Variants in KIAA0513 observed in about 807,000 individuals in gnomAD.
The protein encoded by KIAA0513 is KIAA0513, also known as uncharacterized protein KIAA0513.
A neutral mutation model predicts 56.5 loss-of-function variants in KIAA0513; 39 were observed. The ratio of observed to expected loss-of-function variants is 0.69; its 90% CI spans 0.53 to 0.90. The LOEUF (loss-of-function observed/expected upper bound fraction) is 0.90. KIAA0513 is among the 40% of genes least tolerant of loss of function. The pLI is 0.00. For synonymous variants in KIAA0513, 268 were observed against 215.6 expected (o/e 1.24, Z -2.13); for missense variants, 591 against 535.2 (o/e 1.10, Z -1.03).
intron 2 of KIAA0513, among the ~76,000 whole-genome samples, chr16:85,068,840 CATT>C (rs1207354762): frequency 6.6e-6 from 1 of 152,144 alleles, no homozygotes; most frequent in Non-Finnish European, 1.5e-5. Context: ...TGTCTCACCT[CATT>C]GTTGCTAAAC....
intron 8 of KIAA0513, 93 bp downstream of exon 8, chr16:85,079,096 A>G: frequency 6.3e-7 from 1 of 1,593,690 alleles, no homozygotes; most frequent in Non-Finnish European, 8.6e-7. Context: ...TGTCCCCATC[A>G]GAATGGCAGA....
intron 8 of KIAA0513, among the ~76,000 whole-genome samples, chr16:85,080,009 C>T (rs1402401990): frequency 1.3e-5 from 2 of 152,190 alleles, no homozygotes; most frequent in Non-Finnish European, 2.9e-5. Context: ...CCTCCCTCCC[C>T]TGAAGATCAC....
intron 1 of KIAA0513, among the ~76,000 whole-genome samples, chr16:85,052,537 A>G (rs530184359): frequency 5.3e-5 from 8 of 152,172 alleles, no homozygotes; most frequent in African/African-American, 9.7e-5. Context: ...CAATCAGTCA[A>G]TCAATCAATC....
At chr16:85,035,544 G>A (rs1597587668) in intron 1 of KIAA0513, among the ~76,000 whole-genome samples, 4 of 152,338 alleles carry the variant, frequency 2.6e-5, no homozygotes, top group South Asian at 2.1e-4. Flanking sequence ...AGGCTGGAGT[G>A]CAGTGGTGCA....
chr16:85,042,607 A>G (rs1445558460), intron 1 of KIAA0513, among the ~76,000 whole-genome samples: 1 of 152,226 alleles, frequency 6.6e-6, no homozygotes, highest in African/African-American at 2.4e-5. Flanking sequence ...CTCATATGTT[A>G]CTGGAGAATG....
At chr16:85,033,116 G>C (rs1427414656) in intron 1 of KIAA0513, among the ~76,000 whole-genome samples, 1 of 152,160 alleles carries the variant, frequency 6.6e-6, no homozygotes, top group Non-Finnish European at 1.5e-5. Flanking sequence ...ATAATGACAG[G>C]GATGTGGACG....
intron 1 of KIAA0513, among the ~76,000 whole-genome samples, chr16:85,049,863 C>T (rs909612053): frequency 6.6e-6 from 1 of 152,210 alleles, no homozygotes; most frequent in Non-Finnish European, 1.5e-5. Flanking sequence ...GGGAGCCTCT[C>T]CCTGTCCAGT....
chr16:85,043,608 T>G (rs2073132371), intron 1 of KIAA0513, among the ~76,000 whole-genome samples: 1 of 151,972 alleles, frequency 6.6e-6, no homozygotes, highest in East Asian at 1.9e-4. Context: ...GGATGAGATT[T>G]CACCATATTA....
intron 1 of KIAA0513, among the ~76,000 whole-genome samples, chr16:85,053,990 CAAAA>C (rs770896525): frequency 1.2e-5 from 1 of 80,722 alleles, no homozygotes. Context: ...GACTCTGTCT[CAAAA>C]AAAAAAAAAA....
In KIAA0513 at chr16:85,076,342, TC is replaced by T. The variant is rs2073655383; in HGVS notation, c.574+431del. On this transcript the variant is annotated intron_variant, in intron 5 of 12. Transcript: ENST00000683363. The surrounding 1 kb of genome is among the most constrained non-coding windows in gnomAD (Gnocchi z 4.7). ...CGTAGGATCTGAAGCTGCAGAGAGT[TC>T]CCAGGGATGGGCTGGAGATGGCTTA... 6.6e-6 allele frequency among the ~76,000 whole-genome samples: 1 copy of T among 152,114 alleles called. No homozygotes were observed. The highest frequency in any genetic ancestry group is 1.5e-5 in the Non-Finnish European group (1 of 68,006).
chr16:85,040,611 G>A lies in KIAA0513; in HGVS notation c.-173+12753G>A, dbSNP rs142234811. On this transcript the variant is annotated intron_variant, in intron 1 of 12. Transcript: ENST00000683363. ...AATTACCTCTGGTAACGTTGGGAAA[G>A]TTTTTAGTTTCAGGAAACTTGAGAG... Among the ~76,000 whole-genome samples, 203 of 152,310 alleles carry A rather than the reference G, an allele frequency of 1.3e-3. 1 individual carries two copies. The highest frequency in any genetic ancestry group is 2.7e-3 in the Non-Finnish European group (183 of 68,026).
intron 10 of KIAA0513, among the ~76,000 whole-genome samples, chr16:85,082,797 C>G (rs1286239537): frequency 1.3e-5 from 2 of 152,220 alleles, no homozygotes; most frequent in Non-Finnish European, 2.9e-5. Flanking sequence ...CAGAACTGGG[C>G]AGGTGGGAGC....
At chr16:85,039,089 G>T (rs1240822846) in intron 1 of KIAA0513, among the ~76,000 whole-genome samples, 4 of 152,196 alleles carry the variant, frequency 2.6e-5, no homozygotes, top group Admixed American at 2.6e-4. Context: ...GCAATGCCTG[G>T]TGCACTGTAG....
At chr16:85,074,949 G>A (rs1280333236) in intron 4 of KIAA0513, among the ~76,000 whole-genome samples, 1 of 151,524 alleles carries the variant, frequency 6.6e-6, no homozygotes, top group African/African-American at 2.4e-5. Flanking sequence ...AGTAACGTTG[G>A]GGAGGGAGGG....
intron 1 of KIAA0513, among the ~76,000 whole-genome samples, chr16:85,047,532 T>TGGG (rs1372769762): frequency 6.6e-6 from 1 of 152,158 alleles, no homozygotes; most frequent in African/African-American, 2.4e-5. Flanking sequence ...TCACCCTCTT[T>TGGG]GGACCACCGT....
At chr16:85,036,708 G>A (rs1252710994) in intron 1 of KIAA0513, among the ~76,000 whole-genome samples, 1 of 152,114 alleles carries the variant, frequency 6.6e-6, no homozygotes, top group East Asian at 1.9e-4. Flanking sequence ...TTTCCTTTCT[G>A]TTCCAGGATC....
At chr16:85,073,788 A>G (rs1359842526) in intron 4 of KIAA0513, among the ~76,000 whole-genome samples, 1 of 152,154 alleles carries the variant, frequency 6.6e-6, no homozygotes, top group Non-Finnish European at 1.5e-5. Flanking sequence ...GAAGGCCTCC[A>G]AGCAGTCCCT....
intron 9 of KIAA0513, 146 bp from the exon 10 acceptor site, chr16:85,082,418 A>G: frequency 1.3e-6 from 1 of 751,296 alleles, no homozygotes; most frequent in Non-Finnish European, 2.2e-6. Flanking sequence ...TAGGAAGTGA[A>G]TTTATTTCGA....
intron 1 of KIAA0513, among the ~76,000 whole-genome samples, chr16:85,040,577 C>T (rs1277260490): frequency 6.6e-6 from 1 of 152,124 alleles, no homozygotes; most frequent in Non-Finnish European, 1.5e-5. Context: ...ACGTTTGTTG[C>T]TGTCTCGGAA....
Sources: gnomAD v4.1 joint callset for allele counts (sites outside exome capture counted in the v4.1 genomes callset) on GRCh38, gnomAD v4.1.1 for gene constraint, Gnocchi (gnomAD v3.1) non-coding constraint, MANE v1.5 for transcripts, NCBI Gene and HGNC (gene_info 2026-07-23, HGNC 2026-07-21) for gene names.